ARFIP1: variants seen among roughly 807,000 people sequenced by gnomAD.
ARFIP1 encodes the protein ARF interacting protein 1.
ARFIP1 carries 24 observed loss-of-function variants against 42.5 expected under a neutral mutation model. That is an observed-to-expected ratio of 0.57 (90% confidence interval 0.41 to 0.80). The LOEUF (loss-of-function observed/expected upper bound fraction) is 0.80. Ranked by LOEUF, ARFIP1 falls within the 30% of genes least tolerant of loss-of-function variation. ARFIP1 has a pLI of 0.00. For missense variants in ARFIP1, 354 were observed against 434.0 expected (o/e 0.82, Z 1.64); for synonymous variants, 141 against 153.7 (o/e 0.92, Z 0.61).
In ARFIP1 at chr4:152,842,296, G is replaced by GA. The variant is rs549019097; in HGVS notation, c.93+12571dup. On this transcript the variant is annotated intron_variant, in intron 2 of 8. Coordinates refer to ENST00000353617, the MANE Select transcript of ARFIP1 (RefSeq NM_001025595.3). The stretch of plus-strand genomic sequence containing the variant: ...CTTTGTGTCCCCTCCCTTTGTATGG[G>GA]AGCTCTATTTTCACTCTATTAAATC... Among the ~76,000 whole-genome samples the GA allele has an allele frequency of 1.3e-3, 191 of 149,412 alleles. 1 individual carries two copies. The highest frequency in any genetic ancestry group is 4.4e-3 in the African/African-American group (180 of 40,478).
At chr4:152,809,944 A>G (rs1414274265) in intron 1 of ARFIP1, 1 of 152,236 alleles carries the variant, frequency 6.6e-6, no homozygotes, top group Non-Finnish European at 1.5e-5. Context: ...TTTAGAATGT[A>G]CTTGAACTTA....
chr4:152,816,234 CA>C, intron 1 of ARFIP1, among the ~76,000 whole-genome samples: 1 of 152,332 alleles, frequency 6.6e-6, no homozygotes, highest in Non-Finnish European at 1.5e-5. Flanking sequence ...CCCCACTGTT[CA>C]AAACTCTCAG....
intron 3 of ARFIP1, among the ~76,000 whole-genome samples, chr4:152,869,223 G>A (rs752963910): frequency 2.6e-5 from 4 of 152,096 alleles, no homozygotes; most frequent in Non-Finnish European, 4.4e-5. Flanking sequence ...AAGTAGACAT[G>A]TCTTTCTTAT....
At position 152,804,271 on chromosome 4, in the gene ARFIP1, T is replaced by TATAATATAACATGTATTATATATA. The variant is rs1561108577; in HGVS notation, c.-10+24048_-10+24049insATATAACATGTATTATATATAATA. ...ATAATATAACATGTATTATATATTATATATATAACATAACATGTATTATAT... is the reference window on the plus strand; with the variant it reads ...ATAATATAACATGTATTATATATTATATAATATAACATGTATTATATATAATATATAACATAACATGTATTATAT... On this transcript the variant is annotated intron_variant, in intron 1 of 8. Transcript: ENST00000353617. Among the ~76,000 whole-genome samples the TATAATATAACATGTATTATATATA allele has an allele frequency of 6.8e-5, 4 of 58,802 alleles. 1 individual carries two copies. The highest frequency in any genetic ancestry group is 3.9e-4 in the African/African-American group (4 of 10,192). The allele number at this position is 58,802 out of a possible 152,430, so 38.6% of individuals were successfully genotyped here. A position where few individuals can be genotyped will look rare whatever the true frequency, so the allele number is the denominator to read the frequency against.
At chr4:152,797,825 T>C (rs1458598017) in intron 1 of ARFIP1, among the ~76,000 whole-genome samples, 2 of 152,236 alleles carry the variant, frequency 1.3e-5, no homozygotes, top group East Asian at 1.9e-4. Flanking sequence ...AATTTTATTA[T>C]TGATTCTTCA....
chr4:152,906,948 G>A (rs1413957089), intron 8 of ARFIP1, among the ~76,000 whole-genome samples: 1 of 152,062 alleles, frequency 6.6e-6, no homozygotes, highest in African/African-American at 2.4e-5. Flanking sequence ...CCTTAAATCT[G>A]TATTCAACTG....
chr4:152,877,212 G>A (rs1250916530), intron 5 of ARFIP1, among the ~76,000 whole-genome samples: 1 of 152,116 alleles, frequency 6.6e-6, no homozygotes, highest in East Asian at 1.9e-4. Flanking sequence ...GACATTCAAC[G>A]CCAGCCCATG....
chr4:152,826,890 A>G (rs1330314317), intron 1 of ARFIP1, among the ~76,000 whole-genome samples: 1 of 152,222 alleles, frequency 6.6e-6, no homozygotes, highest in Non-Finnish European at 1.5e-5. Context: ...CCACATGGAT[A>G]AACCTTGAAG....
intron 1 of ARFIP1, among the ~76,000 whole-genome samples, chr4:152,788,492 C>T (rs935706429): frequency 6.6e-6 from 1 of 152,050 alleles, no homozygotes; most frequent in Admixed American, 6.6e-5. Context: ...CCAGCCTGGG[C>T]AACATGGTGA....
chr4:152,897,483 ATAT>A (rs1737438883), intron 8 of ARFIP1, among the ~76,000 whole-genome samples: 1 of 152,194 alleles, frequency 6.6e-6, no homozygotes, highest in Non-Finnish European at 1.5e-5. Flanking sequence ...AGGTACTTAC[ATAT>A]TTTCTAACCC....
chr4:152,784,896 G>A (rs1322933488), intron 1 of ARFIP1, among the ~76,000 whole-genome samples: 2 of 152,216 alleles, frequency 1.3e-5, no homozygotes, highest in African/African-American at 4.8e-5. Context: ...TGATGTTGAA[G>A]CTTGAGCCTC....
intron 8 of ARFIP1, among the ~76,000 whole-genome samples, chr4:152,899,779 T>A (rs1447062267): frequency 1.3e-5 from 2 of 152,182 alleles, no homozygotes; most frequent in Non-Finnish European, 2.9e-5. Flanking sequence ...AATCTTTGAG[T>A]ACTATAATCT....
At chr4:152,881,225 G>C in intron 6 of ARFIP1, 41 bp downstream of exon 6, 1 of 1,418,042 alleles carries the variant, frequency 7.1e-7, no homozygotes, top group Non-Finnish European at 9.8e-7. Flanking sequence ...GGGAGAAAAT[G>C]ATAATAGAAG....
chr4:152,806,883 T>C (rs906251741), intron 1 of ARFIP1, among the ~76,000 whole-genome samples: 15 of 151,428 alleles, frequency 9.9e-5, no homozygotes, highest in African/African-American at 3.7e-4. Context: ...CTGACACCCA[T>C]GCTGGAATGC....
intron 8 of ARFIP1, among the ~76,000 whole-genome samples, chr4:152,894,187 G>A (rs948143867): frequency 6.9e-6 from 1 of 145,154 alleles, no homozygotes; most frequent in Non-Finnish European, 1.5e-5. Flanking sequence ...CAGCCTAGAT[G>A]ACAGAGCGAG....
Position 152,868,003 on chromosome 4 carries a change from T to G in ARFIP1, c.203-2750T>G, listed in dbSNP as rs2149880671. ...TGGTTACAATCTGGAAAATAGGTCTTATGAAAAAATGTTAAAGGAATTAGG... is the reference window on the plus strand; with the variant it reads ...TGGTTACAATCTGGAAAATAGGTCTGATGAAAAAATGTTAAAGGAATTAGG... On this transcript the variant is annotated intron_variant, in intron 3 of 8. Transcript: ENST00000353617. Among the ~76,000 whole-genome samples, 3 of 152,310 alleles carry G rather than the reference T, an allele frequency of 2.0e-5. No homozygotes were observed. The South Asian group carries it at 6.2e-4, about 32-fold the overall frequency.
Position 152,803,905 on chromosome 4 carries a change from G to A in ARFIP1, c.-10+23679G>A, listed in dbSNP as rs1315271569. On this transcript the variant is annotated intron_variant, in intron 1 of 8. Coordinates refer to ENST00000353617, the MANE Select transcript of ARFIP1 (RefSeq NM_001025595.3). ...GGAGATAAAAGAAACAACAGTACAA[G>A]TTGTCAACATCAAGAAAGCAGTGTG... 2.0e-5 allele frequency among the ~76,000 whole-genome samples: 3 copies of A among 149,102 alleles called. No individual in the cohort carries two copies. In the East Asian group the frequency reaches 5.8e-4, roughly 29 times the overall value.
intron 3 of ARFIP1, among the ~76,000 whole-genome samples, chr4:152,869,449 T>C (rs986894238): frequency 1.0e-4 from 15 of 149,462 alleles, no homozygotes; most frequent in Admixed American, 2.7e-4. Context: ...TCTTTCTTTC[T>C]TTCTTTTTTT....
chr4:152,881,465 G>A (rs565546453), intron 6 of ARFIP1, among the ~76,000 whole-genome samples: 4 of 151,974 alleles, frequency 2.6e-5, no homozygotes, highest in African/African-American at 9.6e-5. Flanking sequence ...CAATATCAAG[G>A]GTTACTGTTG....
Sources: allele counts gnomAD v4.1 joint callset (sites outside exome capture counted in the v4.1 genomes callset), GRCh38; gene constraint gnomAD v4.1.1; transcripts MANE v1.5; gene names NCBI Gene and HGNC (gene_info 2026-07-23, HGNC 2026-07-21).